Variants in CDH4 observed in about 807,000 individuals in gnomAD.
CDH4 encodes cadherin-4.
A neutral mutation model predicts 86.0 loss-of-function variants in CDH4; 33 were observed. The observed-to-expected ratio is 0.38, with a 90% CI of 0.29 to 0.51. The LOEUF is 0.51. Among genes scored for constraint, CDH4 ranks in the 20% least tolerant of loss-of-function variants. CDH4 has a pLI of 0.86. For synonymous variants in CDH4, 555 were observed against 549.4 expected (o/e 1.01, Z -0.14); for missense variants, 1,114 against 1,307.4 (o/e 0.85, Z 2.28).
rs143141589 is a variant in CDH4 at position 61,923,154 on chromosome 20, G to A, written c.1375-297G>A. 1.6e-3 allele frequency among the ~76,000 whole-genome samples: 251 copies of A among 152,286 alleles called. 4 individuals carry two copies. The highest frequency in any genetic ancestry group is 8.5e-3 in the South Asian group (41 of 4,816). ...AGGCCAGGAAGAGGGGCCGCCCAGCGGGGGCTGCAGCCCCCCCAGGAGGAG... is the reference window on the plus strand; with the variant it reads ...AGGCCAGGAAGAGGGGCCGCCCAGCAGGGGCTGCAGCCCCCCCAGGAGGAG... On this transcript the variant is annotated intron_variant, in intron 9 of 15. Transcript: ENST00000614565.
At chr20:61,272,052 T>C (rs1180130256) in intron 2 of CDH4, among the ~76,000 whole-genome samples, 1 of 152,170 alleles carries the variant, frequency 6.6e-6, no homozygotes, top group Non-Finnish European at 1.5e-5. Flanking sequence ...CTTAAAATTG[T>C]GTCATTAATG....
chr20:61,410,399 A>G (rs977190670), intron 2 of CDH4, among the ~76,000 whole-genome samples: 1 of 150,170 alleles, frequency 6.7e-6, no homozygotes, highest in African/African-American at 2.4e-5. Flanking sequence ...TCTGTCAATC[A>G]TCCATCTACA....
intron 2 of CDH4, among the ~76,000 whole-genome samples, chr20:61,282,009 G>T (rs2084261551): frequency 6.6e-6 from 1 of 152,196 alleles, no homozygotes; most frequent in African/African-American, 2.4e-5. Flanking sequence ...TGGTCACGTT[G>T]GAAGAAGGAA....
intron 2 of CDH4, among the ~76,000 whole-genome samples, chr20:61,678,441 G>C (rs1345633624): frequency 2.0e-5 from 3 of 152,200 alleles, no homozygotes; most frequent in Admixed American, 2.0e-4. Flanking sequence ...AGAGTAAGTA[G>C]ACAGGAAAGC....
intron 6 of CDH4, among the ~76,000 whole-genome samples, chr20:61,855,775 C>G (rs894423468): frequency 6.6e-6 from 1 of 152,250 alleles, no homozygotes; most frequent in Admixed American, 6.5e-5. Flanking sequence ...GAGCTGGGCA[C>G]GGCCTGGCAG....
intron 8 of CDH4, among the ~76,000 whole-genome samples, chr20:61,899,952 G>T (rs1243218464): frequency 6.6e-6 from 1 of 152,206 alleles, no homozygotes; most frequent in Admixed American, 6.5e-5. Flanking sequence ...TGGGGTCTGT[G>T]GGTCTGTGGT....
intron 2 of CDH4, among the ~76,000 whole-genome samples, chr20:61,687,264 C>G (rs2087594117): frequency 6.6e-6 from 1 of 152,238 alleles, no homozygotes; most frequent in African/African-American, 2.4e-5. Flanking sequence ...ATCCACTGGA[C>G]TGAGCTGGAC....
Position 61,664,449 on chromosome 20 carries a change from CG to C in CDH4, c.170-79113del, listed in dbSNP as rs1344652908. On this transcript the variant is annotated intron_variant, in intron 2 of 15. Transcript: ENST00000614565. ...TCCCCACTCCTGTGTGGCTGAACAC[CG>C]CGGCCTTTGCAGCATTCTTCCTTGA... 2.0e-5 allele frequency among the ~76,000 whole-genome samples: 3 copies of C among 152,318 alleles called. No individual in the cohort carries two copies. The South Asian group carries it at 6.2e-4, about 32-fold the overall frequency.
intron 2 of CDH4, among the ~76,000 whole-genome samples, chr20:61,520,570 G>C (rs2085861318): frequency 6.6e-6 from 1 of 152,224 alleles, no homozygotes; most frequent in Non-Finnish European, 1.5e-5. Flanking sequence ...GGCATTGCTG[G>C]TTGTCAGGCT....
chr20:61,481,761 GTC>G (rs1247238894), intron 2 of CDH4, among the ~76,000 whole-genome samples: 1 of 151,606 alleles, frequency 6.6e-6, no homozygotes, highest in African/African-American at 2.4e-5. Context: ...ATCGTAGTTT[GTC>G]TCTCATTCTG....
intron 6 of CDH4, among the ~76,000 whole-genome samples, chr20:61,861,782 T>C (rs1198823486): frequency 6.6e-6 from 1 of 152,142 alleles, no homozygotes; most frequent in Non-Finnish European, 1.5e-5. Context: ...GGGCAATGTG[T>C]AGCATGGGCA....
intron 2 of CDH4, among the ~76,000 whole-genome samples, chr20:61,326,844 C>T (rs1202442315): frequency 1.3e-5 from 2 of 152,184 alleles, no homozygotes; most frequent in African/African-American, 2.4e-5. Flanking sequence ...TGTGTTACTT[C>T]TTACGACTTC....
chr20:61,518,636 A>G lies in CDH4; in HGVS notation c.170-224927A>G, dbSNP rs1183808587. Among the ~76,000 whole-genome samples, 2 of 151,330 alleles carry G rather than the reference A, an allele frequency of 1.3e-5. No individual in the cohort carries two copies. The highest frequency in any genetic ancestry group is 6.6e-5 in the Admixed American group (1 of 15,200). ...CCATCCATCCTTCATCCACCTAACC[A>G]TTTATCCATCCATTCATCCTTCCAT... is the stretch of plus-strand genomic sequence containing the variant. On this transcript the variant is annotated intron_variant, in intron 2 of 15. Coordinates refer to ENST00000614565, the MANE Select transcript of CDH4 (RefSeq NM_001794.5). The surrounding 1 kb of genome is among the most constrained non-coding windows in gnomAD (Gnocchi z 6.3).
At chr20:61,924,629 C>G (rs1173162947) in intron 11 of CDH4, among the ~76,000 whole-genome samples, 153 bp downstream of exon 11, 1 of 152,108 alleles carries the variant, frequency 6.6e-6, no homozygotes, top group Non-Finnish European at 1.5e-5. Flanking sequence ...TGTGCAGACA[C>G]CGGTGATCAG....
intron 2 of CDH4, among the ~76,000 whole-genome samples, chr20:61,275,425 AT>A (rs2084224580): frequency 3.5e-5 from 1 of 28,904 alleles, no homozygotes; most frequent in Non-Finnish European, 6.2e-5. Context: ...TTGGGGGAGT[AT>A]TGGGGGAGTA....
In CDH4 at chr20:61,302,678, C is replaced by T. The variant is rs2084392621; in HGVS notation, c.169+47741C>T. On this transcript the variant is annotated intron_variant, in intron 2 of 15. Coordinates refer to ENST00000614565, the MANE Select transcript of CDH4 (RefSeq NM_001794.5). The stretch of plus-strand genomic sequence containing the variant: ...GCAGCATTTGGGTCTGTGTGAGACA[C>T]ACCTGTTTCGGTTCCCTGAGCATGG... Among the ~76,000 whole-genome samples the T allele has an allele frequency of 2.6e-5, 4 of 152,180 alleles. No homozygotes were observed. In the South Asian group the frequency reaches 8.3e-4, roughly 32 times the overall value.
Position 61,919,216 on chromosome 20 carries a change from T to C in CDH4, c.1375-4235T>C, listed in dbSNP as rs1039718023. On this transcript the variant is annotated intron_variant, in intron 9 of 15. Transcript: ENST00000614565. ...TTTCTTCTTTTTGTACTGAAATATC[T>C]TATTCAGTAGCAGTGCCGAGAAGTC... Among the ~76,000 whole-genome samples, 94 of 152,232 alleles carry C rather than the reference T, an allele frequency of 6.2e-4. 1 individual carries two copies. Among genetic ancestry groups the C allele is most frequent in the Admixed American group, 5.6e-3 (85 of 15,282 alleles).
At chr20:61,852,382 G>A (rs555013162) in intron 5 of CDH4, among the ~76,000 whole-genome samples, 1 of 152,346 alleles carries the variant, frequency 6.6e-6, no homozygotes, top group African/African-American at 2.4e-5. Flanking sequence ...TGCCACTTTG[G>A]GTGGACATCA....
intron 2 of CDH4, among the ~76,000 whole-genome samples, chr20:61,638,808 A>T (rs2086975522): frequency 6.6e-6 from 1 of 152,128 alleles, no homozygotes; most frequent in South Asian, 2.1e-4. Flanking sequence ...GGGTTATGGG[A>T]CAGAAGCAAA....
Sources: gnomAD v4.1 joint callset for allele counts (sites outside exome capture counted in the v4.1 genomes callset) on GRCh38, gnomAD v4.1.1 for gene constraint, Gnocchi (gnomAD v3.1) non-coding constraint, MANE v1.5 for transcripts, NCBI Gene and HGNC (gene_info 2026-07-23, HGNC 2026-07-21) for gene names.